Variants in PPFIA2 observed in about 807,000 individuals in gnomAD.
PPFIA2 encodes the protein liprin-alpha-2.
In PPFIA2, 46 loss-of-function variants were observed where a neutral mutation model predicts 175.5. That is an observed-to-expected ratio of 0.26 (90% CI 0.21 to 0.34). The LOEUF (loss-of-function observed/expected upper bound fraction) is 0.34. Among genes scored for constraint, PPFIA2 ranks in the 10% least tolerant of loss-of-function variants. The pLI is 1.00. For synonymous variants in PPFIA2, 568 were observed against 511.4 expected (o/e 1.11, Z -1.49); for missense variants, 1,179 against 1,506.1 (o/e 0.78, Z 3.60).
intron 4 of PPFIA2, among the ~76,000 whole-genome samples, chr12:81,586,787 C>A (rs988887001): frequency 6.6e-6 from 1 of 151,762 alleles, no homozygotes; most frequent in African/African-American, 2.4e-5. Context: ...ATATAAAATA[C>A]TTAAAGTAGT....
chr12:81,748,770 T>C lies in PPFIA2; in HGVS notation c.249+5203A>G, dbSNP rs1387629681. On this transcript the variant is annotated intron_variant, in intron 3 of 32. Coordinates refer to ENST00000549396, the MANE Select transcript of PPFIA2 (RefSeq NM_003625.5). Reference sequence around the variant, plus strand: ...CATTATTTAAGCAATGGATAACTGATGAATATTATGTAATCCATCCAAAAT... The same window carrying C: ...CATTATTTAAGCAATGGATAACTGACGAATATTATGTAATCCATCCAAAAT... 2.8e-5 allele frequency among the ~76,000 whole-genome samples: 4 copies of C among 144,780 alleles called. 1 individual carries two copies. The highest frequency in any genetic ancestry group is 4.6e-4 in the South Asian group (2 of 4,394). The allele number at this position is 144,780 out of a possible 152,430, so 95.0% of individuals were successfully genotyped here.
intron 3 of PPFIA2, among the ~76,000 whole-genome samples, chr12:81,719,412 T>C (rs565898710): frequency 5.5e-4 from 83 of 151,734 alleles, no homozygotes; most frequent in East Asian, 2.3e-3. Flanking sequence ...CAAGTTCTGA[T>C]CTTAATTCTG....
At chr12:81,639,967 T>A (rs2064736623) in intron 4 of PPFIA2, among the ~76,000 whole-genome samples, 1 of 152,194 alleles carries the variant, frequency 6.6e-6, no homozygotes, top group Non-Finnish European at 1.5e-5. Context: ...ATTTCTTATA[T>A]AAATTGAAAT....
chr12:81,737,146 A>C (rs1186746869), intron 3 of PPFIA2, among the ~76,000 whole-genome samples: 1 of 151,878 alleles, frequency 6.6e-6, no homozygotes, highest in East Asian at 1.9e-4. Context: ...AAGATTTTAG[A>C]GTTTGGGATC....
chr12:81,536,654 T>C (rs964941416), intron 4 of PPFIA2, among the ~76,000 whole-genome samples: 1 of 148,590 alleles, frequency 6.7e-6, no homozygotes, highest in Admixed American at 6.8e-5. Flanking sequence ...AATATATTTA[T>C]TGAGTTTATT....
intron 3 of PPFIA2, among the ~76,000 whole-genome samples, chr12:81,720,434 A>C (rs2079165161): frequency 6.6e-6 from 1 of 151,398 alleles, no homozygotes; most frequent in Non-Finnish European, 1.5e-5. Context: ...AGAATATAAA[A>C]CTTCAGTTAG....
chr12:81,276,104 A>G (rs1244884783), intron 28 of PPFIA2, among the ~76,000 whole-genome samples: 2 of 152,160 alleles, frequency 1.3e-5, no homozygotes, highest in Non-Finnish European at 2.9e-5. Context: ...TTAAACAACA[A>G]AAGTGGATTG....
At chr12:81,638,084 A>G (rs988210683) in intron 4 of PPFIA2, among the ~76,000 whole-genome samples, 1 of 152,146 alleles carries the variant, frequency 6.6e-6, no homozygotes, top group African/African-American at 2.4e-5. Context: ...TTTGAAATTT[A>G]TACATCACTA....
chr12:81,449,431 A>AC (rs1450961297), intron 5 of PPFIA2, among the ~76,000 whole-genome samples: 8 of 151,174 alleles, frequency 5.3e-5, no homozygotes, highest in Non-Finnish European at 2.9e-5. Context: ...TACCAGAAAC[A>AC]CCATCTTACC....
intron 5 of PPFIA2, among the ~76,000 whole-genome samples, chr12:81,448,311 T>C (rs921830954): frequency 4.6e-5 from 7 of 152,304 alleles, no homozygotes; most frequent in Middle Eastern, 3.4e-3. Context: ...CTCTCTTTCA[T>C]GCTCCCTCAG....
Position 81,384,128 on chromosome 12 carries a change from G to C in PPFIA2, c.879C>G (p.Ala293=), listed in dbSNP as rs758638282. Residue 293 remains alanine (A), a synonymous_variant, in exon 9 of 33, where the codon GCC becomes GCG. Transcript: ENST00000549396. ...EMAQMKERLA[A]LSSRVGEVEQ... ...CCACCTCTCCCACTCGGGAAGAAAGGGCTGCTAAACGTTCTTTCATCTGGG... is the reference window on the plus strand; with the variant it reads ...CCACCTCTCCCACTCGGGAAGAAAGCGCTGCTAAACGTTCTTTCATCTGGG... The C allele has an allele frequency of 6.2e-7, 1 of 1,612,936 alleles. No individual in the cohort carries two copies.
chr12:81,335,658 C>A (rs2056992975), intron 21 of PPFIA2, among the ~76,000 whole-genome samples: 1 of 151,368 alleles, frequency 6.6e-6, no homozygotes, highest in African/African-American at 2.4e-5. Flanking sequence ...GCAGGAGAAT[C>A]ATTTGAACTG....
intron 4 of PPFIA2, among the ~76,000 whole-genome samples, chr12:81,585,072 A>ATATATT (rs1595290430): frequency 5.8e-4 from 70 of 121,338 alleles, no homozygotes; most frequent in East Asian, 2.1e-3. Flanking sequence ...ATAATATATA[A>ATATATT]ATATAATATA....
At chr12:81,510,316 T>C (rs1173260931) in intron 4 of PPFIA2, among the ~76,000 whole-genome samples, 1 of 152,086 alleles carries the variant, frequency 6.6e-6, no homozygotes, top group Non-Finnish European at 1.5e-5. Context: ...CTCCTGTAAT[T>C]TGAACTTTAC....
rs147244413 is a variant in PPFIA2, at chr12:81,468,904, G to A, written c.304-11038C>T. ...AAGAAGTTTATCACTGGGGGGTGGG[G>A]GGTGAAAGCATTAAATAACAGAGTA... On this transcript the variant is annotated intron_variant, in intron 4 of 32. Transcript: ENST00000549396. 3.3e-5 allele frequency among the ~76,000 whole-genome samples: 5 copies of A among 151,860 alleles called. No homozygotes were observed. The East Asian group carries it at 9.7e-4, about 29-fold the overall frequency.
chr12:81,711,906 A>C (rs1253768696), intron 3 of PPFIA2, among the ~76,000 whole-genome samples: 1 of 151,098 alleles, frequency 6.6e-6, no homozygotes, highest in East Asian at 2.0e-4. Flanking sequence ...TAAGTGCTCA[A>C]ATAACCATTT....
intron 4 of PPFIA2, among the ~76,000 whole-genome samples, chr12:81,661,819 T>C (rs532438623): frequency 2.0e-5 from 3 of 152,162 alleles, no homozygotes; most frequent in South Asian, 2.1e-4. Flanking sequence ...CCTCAGCAAA[T>C]CTAAAAGAAC....
chr12:81,694,363 C>A (rs1440668684), intron 3 of PPFIA2, among the ~76,000 whole-genome samples: 2 of 152,138 alleles, frequency 1.3e-5, no homozygotes, highest in Non-Finnish European at 2.9e-5. Context: ...CTGTCCTGTG[C>A]AGCCTTCTTG....
At chr12:81,349,723 A>C (rs1480070728) in intron 17 of PPFIA2, among the ~76,000 whole-genome samples, 6 of 152,216 alleles carry the variant, frequency 3.9e-5, no homozygotes, top group African/African-American at 1.4e-4. Context: ...TGTACAAGAC[A>C]GCCAAACCTA....
Sources: gnomAD v4.1 joint callset for allele counts (sites outside exome capture counted in the v4.1 genomes callset) on GRCh38, gnomAD v4.1.1 for gene constraint, MANE v1.5 for transcripts, NCBI Gene and HGNC (gene_info 2026-07-23, HGNC 2026-07-21) for gene names.